The following ECHDC1 variants were observed in gnomAD, a reference collection of about 807,000 sequenced individuals.
The protein encoded by ECHDC1 is ethylmalonyl-CoA decarboxylase.
A neutral mutation model predicts 29.7 loss-of-function variants in ECHDC1; 29 were observed. The observed-to-expected ratio is 0.98, with a 90% CI of 0.73 to 1.33. The LOEUF (loss-of-function observed/expected upper bound fraction) is 1.33. Ranked by LOEUF, ECHDC1 falls within the 40% of genes most tolerant of loss-of-function variation. ECHDC1 has a pLI of 0.00. For missense variants in ECHDC1, 328 were observed against 350.0 expected (o/e 0.94, Z 0.50); for synonymous variants, 126 against 123.1 (o/e 1.02, Z -0.15).
rs1362477178 is a variant in ECHDC1 at position 127,290,100 on chromosome 6, C to T, written c.675G>A (p.Glu225=). The T allele has an allele frequency of 7.4e-6, 12 of 1,613,548 alleles. No individual in the cohort carries two copies. The highest frequency in any genetic ancestry group is 9.3e-6 in the Non-Finnish European group (11 of 1,179,746). The change falls in exon 6 of 6, where the codon GAG becomes GAA. Residue 225 remains glutamate (E), a synonymous_variant. Coordinates refer to ENST00000454859, the MANE Select transcript of ECHDC1 (RefSeq NM_001002030.2). ...KNALNIGMVE[E]VLQSSDETKS... The stretch of plus-strand genomic sequence containing the variant: ...TAGTTTCATCTGAAGACTGCAAGAC[C>T]TCTTCAACCATTCCTATGTTTAGAG...
chr6:127,316,627 A>G, intron 3 of ECHDC1, 125 bp from the exon 4 acceptor site: 1 of 712,744 alleles, frequency 1.4e-6, no homozygotes, highest in Non-Finnish European at 2.3e-6. Flanking sequence ...TGACATTTCC[A>G]TTTAAAACTC....
At chr6:127,328,076 G>A (rs1313725246) in intron 2 of ECHDC1, among the ~76,000 whole-genome samples, 1 of 152,162 alleles carries the variant, frequency 6.6e-6, no homozygotes, top group Admixed American at 6.5e-5. Flanking sequence ...ACACTTCTTT[G>A]GAATATAAAT....
intron 1 of ECHDC1, among the ~76,000 whole-genome samples, chr6:127,333,721 C>G (rs1230096619): frequency 7.3e-6 from 1 of 137,166 alleles, no homozygotes; most frequent in Non-Finnish European, 1.6e-5. Context: ...ACACAGTTTA[C>G]CAGTATACCA....
intron 3 of ECHDC1, among the ~76,000 whole-genome samples, chr6:127,326,162 C>A (rs761216723): frequency 2.0e-5 from 3 of 152,128 alleles, no homozygotes; most frequent in Non-Finnish European, 4.4e-5. Context: ...AAGGAGGGGC[C>A]TGGTGGAAGG....
intron 1 of ECHDC1, among the ~76,000 whole-genome samples, chr6:127,339,835 T>A (rs532819519): frequency 6.6e-6 from 1 of 151,842 alleles, no homozygotes; most frequent in Non-Finnish European, 1.5e-5. Flanking sequence ...TTGGGGTTTT[T>A]AAAAAATGCA....
chr6:127,300,209 ATTAAC>A (rs770997814), intron 5 of ECHDC1, among the ~76,000 whole-genome samples: 4 of 152,246 alleles, frequency 2.6e-5, no homozygotes, highest in Admixed American at 6.5e-5. Flanking sequence ...AGTTTACAAA[ATTAAC>A]TTAGAGTAAC....
At chr6:127,327,242 C>G in intron 2 of ECHDC1, 98 bp from the exon 3 acceptor site, 1 of 1,313,198 alleles carries the variant, frequency 7.6e-7, no homozygotes, top group Non-Finnish European at 1.0e-6. Flanking sequence ...CTCTTAGGTC[C>G]TATATTTTAT....
chr6:127,312,755 A>G (rs1033236292), intron 5 of ECHDC1, among the ~76,000 whole-genome samples: 6 of 152,210 alleles, frequency 3.9e-5, no homozygotes, highest in Non-Finnish European at 5.9e-5. Context: ...AATAAGATGA[A>G]CAAACCACTG....
chr6:127,312,744 C>G (rs765783825), intron 5 of ECHDC1, among the ~76,000 whole-genome samples: 1 of 152,078 alleles, frequency 6.6e-6, no homozygotes, highest in Non-Finnish European at 1.5e-5. Context: ...TACTACTAAG[C>G]AATAAGATGA....
At chr6:127,316,874 T>C (rs1782427413) in intron 3 of ECHDC1, among the ~76,000 whole-genome samples, 1 of 150,426 alleles carries the variant, frequency 6.6e-6, no homozygotes, top group Non-Finnish European at 1.5e-5. Context: ...AAGGGAAAAG[T>C]TATGTTAAGC....
At chr6:127,296,098 T>C (rs11154391) in intron 5 of ECHDC1, among the ~76,000 whole-genome samples, 25,782 of 152,254 alleles carry the variant, frequency 0.17, 2,346 homozygotes, top group Non-Finnish European at 0.18. Flanking sequence ...TGAACTTTTC[T>C]ATAACCTTGA....
chr6:127,289,560 A>G lies in ECHDC1; in HGVS notation c.*309T>C, dbSNP rs1779933600. The G allele has an allele frequency of 4.3e-6, 1 of 234,534 alleles. No individual in the cohort carries two copies. Among genetic ancestry groups the G allele is most frequent in the Admixed American group, 5.0e-5 (1 of 19,850 alleles). 14.5% of individuals were successfully genotyped at this position (234,534 alleles called of 1,614,324 possible). A position where few individuals can be genotyped will look rare whatever the true frequency, so the allele number is the denominator to read the frequency against. On this transcript the variant is annotated 3_prime_UTR_variant, in exon 6 of 6. Transcript: ENST00000454859. ...AAGTAACGCCAGGAATAGGTTTTGTATAGAAGCTCTCCTTTTAAACACTGC... is the reference window on the plus strand; with the variant it reads ...AAGTAACGCCAGGAATAGGTTTTGTGTAGAAGCTCTCCTTTTAAACACTGC...
At chr6:127,316,122 G>C (rs1246401942) in intron 4 of ECHDC1, 4 of 474,168 alleles carry the variant, frequency 8.4e-6, no homozygotes, top group South Asian at 4.7e-5. Flanking sequence ...GTCATGTCTT[G>C]ATCAGTGTCT....
chr6:127,313,532 T>C (rs1365853936), intron 5 of ECHDC1: 3 of 453,214 alleles, frequency 6.6e-6, no homozygotes, highest in African/African-American at 6.0e-5. Flanking sequence ...AACATGATGT[T>C]TTGAAATATG....
At chr6:127,298,110 T>C (rs1780763722) in intron 5 of ECHDC1, among the ~76,000 whole-genome samples, 1 of 152,168 alleles carries the variant, frequency 6.6e-6, no homozygotes, top group South Asian at 2.1e-4. Flanking sequence ...GAAAAAAATA[T>C]ATGATACACA....
chr6:127,330,722 A>G (rs1305283468), intron 2 of ECHDC1, 87 bp downstream of exon 2: 2 of 1,153,886 alleles, frequency 1.7e-6, no homozygotes, highest in African/African-American at 1.5e-5. Flanking sequence ...ACTTTAAAAC[A>G]TTCTGTCACC....
chr6:127,299,547 A>T (rs1470011849), intron 5 of ECHDC1, among the ~76,000 whole-genome samples: 2 of 152,110 alleles, frequency 1.3e-5, no homozygotes, highest in Admixed American at 1.3e-4. Context: ...GTTCAGCTGT[A>T]AAATGTGTTT....
At chr6:127,320,560 C>T (rs1337604146) in intron 3 of ECHDC1, among the ~76,000 whole-genome samples, 5 of 152,178 alleles carry the variant, frequency 3.3e-5, no homozygotes. Context: ...CCATTGAAGA[C>T]TAAGCAGGTT....
intron 5 of ECHDC1, among the ~76,000 whole-genome samples, chr6:127,296,048 G>A (rs1364032160): frequency 6.6e-6 from 1 of 152,146 alleles, no homozygotes; most frequent in Non-Finnish European, 1.5e-5. Context: ...ATATATAAAT[G>A]TAAAACACAA....
Sources: allele counts gnomAD v4.1 joint callset (sites outside exome capture counted in the v4.1 genomes callset), GRCh38; gene constraint gnomAD v4.1.1; transcripts MANE v1.5; gene names NCBI Gene and HGNC (gene_info 2026-07-23, HGNC 2026-07-21).